Variants in ECM2 observed in about 807,000 individuals in gnomAD.
ECM2 encodes extracellular matrix protein 2, female organ and adipocyte specific.
ECM2 carries 57 observed loss-of-function variants against 67.5 expected under a neutral mutation model. The observed-to-expected ratio is 0.84, with a 90% CI of 0.68 to 1.05. The LOEUF (loss-of-function observed/expected upper bound fraction) is 1.05. Ranked by LOEUF, ECM2 falls within the 50% of genes least tolerant of loss-of-function variation. ECM2 has a pLI of 0.00. For missense variants in ECM2, 741 were observed against 822.8 expected, an observed-to-expected ratio of 0.90 and a Z score of 1.22; for synonymous variants, 258 against 294.5, an observed-to-expected ratio of 0.88 and a Z score of 1.27.
chr9:92,516,333 G>A (rs909428238), intron 3 of ECM2, among the ~76,000 whole-genome samples: 1 of 152,158 alleles, frequency 6.6e-6, no homozygotes, highest in South Asian at 2.1e-4. Flanking sequence ...AAAGTGCTGG[G>A]ATTACAGGTG....
chr9:92,522,990 T>C, intron 1 of ECM2, 97 bp from the exon 2 acceptor site: 2 of 1,173,262 alleles, frequency 1.7e-6, no homozygotes, highest in Non-Finnish European at 2.3e-6. Flanking sequence ...AGGCAAGTCT[T>C]TGAGAAATTA....
chr9:92,513,276 G>A (rs551007426), intron 4 of ECM2, among the ~76,000 whole-genome samples: 1 of 152,174 alleles, frequency 6.6e-6, no homozygotes, highest in Non-Finnish European at 1.5e-5. Context: ...CCTCTAGAAT[G>A]TCAAAAAGGA....
At chr9:92,516,600 C>T (rs1395015805) in intron 3 of ECM2, 1 of 152,172 alleles carries the variant, frequency 6.6e-6, no homozygotes, top group Non-Finnish European at 1.5e-5. Context: ...CTAAAGCTAT[C>T]ATATTGAAAC....
upstream of ECM2, among the ~76,000 whole-genome samples, chr9:92,537,591 C>T (rs556510516): frequency 5.1e-4 from 77 of 152,074 alleles, no homozygotes; most frequent in African/African-American, 1.6e-3. Flanking sequence ...ACCTAGGAGG[C>T]GGAGGTTGCA....
Position 92,500,826 on chromosome 9 carries a change from C to G in ECM2, c.1832G>C (p.Arg611Thr). ...VSFYGAYHSL[R>T]ELFLDHNDLK... ...GTCATTGTGATCCAGAAATAATTCT[C>G]TCAGAGAATGATATGCCCCATAGAA... is the stretch of plus-strand genomic sequence containing the variant. The change falls in exon 9 of 10, where the codon AGA becomes ACA. Residue 611 changes from arginine to threonine, a missense_variant. Arg to Thr is a moderately conservative substitution (Grantham distance 71). Coordinates refer to ENST00000344604, the MANE Select transcript of ECM2 (RefSeq NM_001393.4). 7 of 1,614,194 alleles carry G rather than the reference C, an allele frequency of 4.3e-6. No homozygotes were observed. Among genetic ancestry groups the G allele is most frequent in the East Asian group, 2.2e-5 (1 of 44,888 alleles).
chr9:92,524,674 C>A (rs1361112813), intron 1 of ECM2, among the ~76,000 whole-genome samples: 1 of 152,194 alleles, frequency 6.6e-6, no homozygotes, highest in Non-Finnish European at 1.5e-5. Flanking sequence ...GCCTTCCTTA[C>A]ACAGCCAGTA....
intron 6 of ECM2, among the ~76,000 whole-genome samples, chr9:92,509,090 C>T (rs1847182107): frequency 6.6e-6 from 1 of 151,266 alleles, no homozygotes; most frequent in African/African-American, 2.4e-5. Context: ...TAGCACAGTC[C>T]CGAAACAAGC....
the ECM2 span, among the ~76,000 whole-genome samples, chr9:92,556,142 G>C: frequency 2.0e-5 from 3 of 152,032 alleles, no homozygotes; most frequent in Non-Finnish European, 4.4e-5. Context: ...TTTCATTTTT[G>C]ACCTAATGCT....
the ECM2 span, among the ~76,000 whole-genome samples, chr9:92,555,553 G>A: frequency 6.6e-6 from 1 of 151,966 alleles, no homozygotes; most frequent in Non-Finnish European, 1.5e-5. Context: ...TACTATTTCA[G>A]TCTTGCTGTT....
chr9:92,513,642 T>C (rs1433119149), intron 4 of ECM2, among the ~76,000 whole-genome samples: 1 of 152,090 alleles, frequency 6.6e-6, no homozygotes, highest in African/African-American at 2.4e-5. Flanking sequence ...CAAAACAAAA[T>C]GGGTGGCTTT....
rs1847249757 is a variant in ECM2 at position 92,510,185 on chromosome 9, C to T, written c.1171-151G>A. The T allele has an allele frequency of 8.2e-6, 6 of 731,596 alleles. No individual in the cohort carries two copies. The Admixed American group carries it at 1.1e-4, about 14-fold the overall frequency. The allele number at this position is 731,596 out of a possible 1,614,324, so 45.3% of individuals were successfully genotyped here. ...GGCCACACAGCAAACCCCTTATTCC[C>T]CCTGCCAGGTTGATATTGATCCTGG... On this transcript the variant is annotated intron_variant, in intron 5 of 9. Coordinates refer to ENST00000344604, the MANE Select transcript of ECM2 (RefSeq NM_001393.4).
chr9:92,514,545 G>T, intron 4 of ECM2, 86 bp downstream of exon 4: 1 of 1,497,332 alleles, frequency 6.7e-7, no homozygotes, highest in Non-Finnish European at 8.9e-7. Flanking sequence ...AAAGTGCTGA[G>T]ATTATAGGCG....
At chr9:92,517,929 G>A in intron 2 of ECM2, 54 bp from the exon 3 acceptor site, 2 of 1,596,460 alleles carry the variant, frequency 1.3e-6, no homozygotes, top group Non-Finnish European at 1.7e-6. Context: ...ATCAGTAACT[G>A]TGAATGGAAG....
chr9:92,542,927 A>C, the ECM2 span, among the ~76,000 whole-genome samples: 1 of 152,156 alleles, frequency 6.6e-6, no homozygotes, highest in Non-Finnish European at 1.5e-5. Context: ...TCATTCTTTT[A>C]CATGTGGATA....
intron 9 of ECM2, among the ~76,000 whole-genome samples, chr9:92,497,539 G>A (rs1182691367): frequency 6.6e-6 from 1 of 151,692 alleles, no homozygotes; most frequent in Non-Finnish European, 1.5e-5. Context: ...CAACAGAATT[G>A]CTTGAACCTG....
chr9:92,513,189 T>A (rs1027715172), intron 4 of ECM2, among the ~76,000 whole-genome samples: 1 of 152,134 alleles, frequency 6.6e-6, no homozygotes, highest in African/African-American at 2.4e-5. Flanking sequence ...TCACACCTGG[T>A]CCTGCTGTTG....
chr9:92,549,654 A>AAAAC, the ECM2 span, among the ~76,000 whole-genome samples: 2 of 143,218 alleles, frequency 1.4e-5, no homozygotes, highest in Non-Finnish European at 3.0e-5. Flanking sequence ...CTCAAAAAAA[A>AAAAC]AAAACAAAAC....
At chr9:92,523,851 G>A (rs1378902476) in intron 1 of ECM2, among the ~76,000 whole-genome samples, 3 of 152,196 alleles carry the variant, frequency 2.0e-5, no homozygotes, top group South Asian at 4.1e-4. Context: ...ACATAACGGC[G>A]ATAAGAAGGC....
intron 9 of ECM2, 75 bp downstream of exon 9, chr9:92,500,652 A>T: frequency 2.0e-5 from 29 of 1,422,414 alleles, no homozygotes; most frequent in Non-Finnish European, 2.8e-5. Flanking sequence ...AATCCCAGAG[A>T]TCATGTCATG....
Sources: allele counts gnomAD v4.1 joint callset (sites outside exome capture counted in the v4.1 genomes callset), GRCh38; gene constraint gnomAD v4.1.1; transcripts MANE v1.5; gene names NCBI Gene and HGNC (gene_info 2026-07-23, HGNC 2026-07-21).